PLXNA2: variants seen among roughly 807,000 people sequenced by gnomAD.
The protein encoded by PLXNA2 is plexin A2.
In PLXNA2, 91 loss-of-function variants were observed where a neutral mutation model predicts 193.5. The observed-to-expected ratio is 0.47, with a 90% CI of 0.40 to 0.56. The LOEUF is 0.56. Ranked by LOEUF, PLXNA2 falls within the 20% of genes least tolerant of loss-of-function variation. The pLI is 0.00. For missense variants in PLXNA2, 1,995 were observed against 2,503.2 expected (o/e 0.80, Z 4.33); for synonymous variants, 997 against 1,027.3 (o/e 0.97, Z 0.56).
rs78263069 is a variant in PLXNA2, at chr1:208,025,722, C to G, written c.*1521G>C. ...ACTGGCTTCTATGGGGCCTTTGGACCTGGGCATGGAGCTTTGGTCTCTTTG... is the reference window on the plus strand; with the variant it reads ...ACTGGCTTCTATGGGGCCTTTGGACGTGGGCATGGAGCTTTGGTCTCTTTG... On this transcript the variant is annotated 3_prime_UTR_variant, in exon 32 of 32. Transcript: ENST00000367033. The G allele has an allele frequency of 3.3e-5, 5 of 152,338 alleles. No homozygotes were observed. In the East Asian group the frequency reaches 9.6e-4, roughly 29 times the overall value. 9.4% of individuals were successfully genotyped at this position (152,338 alleles called of 1,614,324 possible). A position where few individuals can be genotyped will look rare whatever the true frequency, so the allele number is the denominator to read the frequency against.
chr1:208,027,001 C>T lies in PLXNA2; in HGVS notation c.*242G>A, dbSNP rs192427240. ...CTCGGCTTGAAGAACCACCTTCTCC[C>T]GGCCCCGGGTTCTCTGGTGTTCTCA... On this transcript the variant is annotated 3_prime_UTR_variant, in exon 32 of 32. Transcript: ENST00000367033. 2.2e-4 allele frequency: 92 copies of T among 420,924 alleles called. No individual in the cohort carries two copies. Among genetic ancestry groups the T allele is most frequent in the Non-Finnish European group, 2.9e-4 (67 of 231,886 alleles). 26.1% of individuals were successfully genotyped at this position (420,924 alleles called of 1,614,324 possible).
chr1:208,202,207 T>C (rs962506610), intron 3 of PLXNA2, among the ~76,000 whole-genome samples: 1 of 152,116 alleles, frequency 6.6e-6, no homozygotes, highest in African/African-American at 2.4e-5. Flanking sequence ...CTCGAACTCC[T>C]GACCTCAGGT....
At position 208,217,728 on chromosome 1, in the gene PLXNA2, C is replaced by T; in HGVS notation, c.195G>A (p.Gly65=). 1 of 1,614,176 alleles carries T rather than the reference C, an allele frequency of 6.2e-7. No homozygotes were observed. Among genetic ancestry groups the T allele is most frequent in the Non-Finnish European group, 8.5e-7 (1 of 1,180,028 alleles). Residue 65 remains glycine (G), a synonymous_variant, in exon 2 of 32, where the codon GGG becomes GGA. Transcript: ENST00000367033. This position sits in a 1 kb window ranked among gnomAD's most constrained non-coding sequence, Gnocchi z 4.7. ...TCAGCTTATAGACCCGGTTGATGGC[C>T]CCCACATAGACGGCCCCCGTCCCTT... The part of the protein sequence containing the change: ...VHQGTGAVYV[G]AINRVYKLTG...
chr1:208,190,780 T>A (rs761581706), intron 3 of PLXNA2, among the ~76,000 whole-genome samples: 1 of 152,250 alleles, frequency 6.6e-6, no homozygotes, highest in African/African-American at 2.4e-5. Context: ...AAGTAATATG[T>A]TTGACAGCAC....
At chr1:208,187,013 G>C (rs774860065) in intron 3 of PLXNA2, among the ~76,000 whole-genome samples, 3 of 152,128 alleles carry the variant, frequency 2.0e-5, no homozygotes, top group Non-Finnish European at 4.4e-5. Context: ...GAGCCACCGC[G>C]CCCGGCCTGC....
intron 13 of PLXNA2, among the ~76,000 whole-genome samples, chr1:208,058,456 C>T (rs984360826): frequency 6.6e-6 from 1 of 152,210 alleles, no homozygotes; most frequent in Admixed American, 6.5e-5. Flanking sequence ...GACTCTGCAC[C>T]GGGTCCTTTT....
chr1:208,082,768 A>G lies in PLXNA2; in HGVS notation c.2299-260T>C, dbSNP rs1359205220. On this transcript the variant is annotated intron_variant, in intron 10 of 31. Coordinates refer to ENST00000367033, the MANE Select transcript of PLXNA2 (RefSeq NM_025179.4). This position sits in a 1 kb window ranked among gnomAD's most constrained non-coding sequence, Gnocchi z 4.2. ...TTTGAATCTACCTTTCTCCAAACAC[A>G]TCTTCTTAAGCCCCTCTCTGTCTTT... 6.6e-6 allele frequency among the ~76,000 whole-genome samples: 1 copy of G among 152,020 alleles called. No homozygotes were observed. The highest frequency in any genetic ancestry group is 2.4e-5 in the African/African-American group (1 of 41,360).
In PLXNA2 at chr1:208,082,387, C is replaced by T. The variant is rs1666374629; in HGVS notation, c.2395+25G>A. 1.9e-6 allele frequency: 3 copies of T among 1,597,872 alleles called. No homozygotes were observed. Among genetic ancestry groups the T allele is most frequent in the African/African-American group, 2.7e-5 (2 of 74,608 alleles). On this transcript the variant is annotated intron_variant, in intron 11 of 31. Coordinates refer to ENST00000367033, the MANE Select transcript of PLXNA2 (RefSeq NM_025179.4). This position sits in a 1 kb window ranked among gnomAD's most constrained non-coding sequence, Gnocchi z 4.2. Reference sequence around the variant, plus strand: ...TTCCCGGGGTCGTGAAAAGATCAAACTTCTACCCGGAAGTAGCCGCTTACC... The same window carrying T: ...TTCCCGGGGTCGTGAAAAGATCAAATTTCTACCCGGAAGTAGCCGCTTACC...
chr1:208,087,793 C>G (rs548284223), intron 9 of PLXNA2, among the ~76,000 whole-genome samples: 24 of 152,168 alleles, frequency 1.6e-4, no homozygotes, highest in African/African-American at 5.3e-4. Flanking sequence ...GTGGAGGAGA[C>G]TGGACCCCAA....
intron 4 of PLXNA2, among the ~76,000 whole-genome samples, chr1:208,110,271 TTC>T (rs541515417): frequency 7.2e-4 from 110 of 152,330 alleles, no homozygotes; most frequent in African/African-American, 2.6e-3. Context: ...CCACACCACT[TTC>T]TGTCCTTCAG....
chr1:208,051,612 C>CAT (rs1558166035), intron 15 of PLXNA2, among the ~76,000 whole-genome samples, 189 bp from the exon 16 acceptor site: 1 of 152,122 alleles, frequency 6.6e-6, no homozygotes, highest in Non-Finnish European at 1.5e-5. Context: ...ATTAGGGAGG[C>CAT]AGCAAATTGG....
chr1:208,173,810 C>T (rs874785), intron 3 of PLXNA2, among the ~76,000 whole-genome samples: 57,007 of 152,038 alleles, frequency 0.37, 10,841 homozygotes, highest in Middle Eastern at 0.43. Flanking sequence ...TTAATCCTCT[C>T]ATTACCAGTC....
At chr1:208,106,121 T>C (rs1667264183) in intron 4 of PLXNA2, among the ~76,000 whole-genome samples, 1 of 150,468 alleles carries the variant, frequency 6.6e-6, no homozygotes, top group Non-Finnish European at 1.5e-5. Context: ...AACAGGAAAC[T>C]TGTAAGTTGG....
At chr1:208,138,213 T>G (rs1668358591) in intron 4 of PLXNA2, among the ~76,000 whole-genome samples, 1 of 152,244 alleles carries the variant, frequency 6.6e-6, no homozygotes. Context: ...GAAATTGTAC[T>G]TCAAGTATCC....
intron 3 of PLXNA2, among the ~76,000 whole-genome samples, chr1:208,152,001 C>T (rs1339913761): frequency 6.6e-6 from 1 of 152,188 alleles, no homozygotes; most frequent in Non-Finnish European, 1.5e-5. Context: ...AAGAAGGCCA[C>T]CTGCAGTCTG....
chr1:208,180,890 G>T (rs538982235), intron 3 of PLXNA2, among the ~76,000 whole-genome samples: 1 of 152,212 alleles, frequency 6.6e-6, no homozygotes, highest in Non-Finnish European at 1.5e-5. Context: ...GGGAGTAACC[G>T]CTATTGGCCC....
chr1:208,192,972 A>G (rs1670233282), intron 3 of PLXNA2, among the ~76,000 whole-genome samples: 3 of 152,140 alleles, frequency 2.0e-5, no homozygotes, highest in Admixed American at 2.0e-4. Flanking sequence ...TGAGAATCTA[A>G]TGTAAGCAAT....
At chr1:208,032,501 T>A (rs970857218) in intron 28 of PLXNA2, among the ~76,000 whole-genome samples, 1 of 152,370 alleles carries the variant, frequency 6.6e-6, no homozygotes, top group South Asian at 2.1e-4. Flanking sequence ...TCTGGGCCAC[T>A]CTGGGAGCAA....
At chr1:208,056,226 G>T (rs1028444857) in intron 13 of PLXNA2, among the ~76,000 whole-genome samples, 1 of 152,194 alleles carries the variant, frequency 6.6e-6, no homozygotes, top group African/African-American at 2.4e-5. Flanking sequence ...GAGCTCCAGG[G>T]GAGAATCAAC....
Sources: allele counts gnomAD v4.1 joint callset (sites outside exome capture counted in the v4.1 genomes callset), GRCh38; gene constraint gnomAD v4.1.1; non-coding constraint Gnocchi (gnomAD v3.1); transcripts MANE v1.5; gene names NCBI Gene and HGNC (gene_info 2026-07-23, HGNC 2026-07-21).